The following CNTN4 variants were observed in gnomAD, a reference collection of about 807,000 sequenced individuals.
CNTN4 encodes the protein contactin 4.
CNTN4 carries 77 observed loss-of-function variants against 122.5 expected under a neutral mutation model. The observed-to-expected ratio is 0.63, with a 90% confidence interval of 0.52 to 0.76. CNTN4 has a LOEUF of 0.76. CNTN4 is among the 30% of genes least tolerant of loss of function. CNTN4 has a pLI of 0.00. For synonymous variants in CNTN4, 512 were observed against 447.0 expected, an observed-to-expected ratio of 1.15 and a Z score of -1.83; for missense variants, 1,256 against 1,259.1, an observed-to-expected ratio of 1.00 and a Z score of 0.04.
chr3:2,215,232 T>A (rs1156280564), intron 2 of CNTN4, among the ~76,000 whole-genome samples: 3 of 152,232 alleles, frequency 2.0e-5, no homozygotes, highest in African/African-American at 7.2e-5. Context: ...TAACATATAT[T>A]TAAATGACAT....
At chr3:3,013,777 T>A (rs965871410) in intron 14 of CNTN4, among the ~76,000 whole-genome samples, 1 of 152,198 alleles carries the variant, frequency 6.6e-6, no homozygotes, top group African/African-American at 2.4e-5. Context: ...ATGATTTTTC[T>A]TATGTATCTC....
intron 4 of CNTN4, among the ~76,000 whole-genome samples, chr3:2,607,142 T>C (rs957285721): frequency 1.3e-5 from 2 of 152,216 alleles, no homozygotes; most frequent in African/African-American, 2.4e-5. Flanking sequence ...TTTTGGCATC[T>C]GGTTCAAACT....
intron 2 of CNTN4, among the ~76,000 whole-genome samples, chr3:2,253,303 T>C (rs1430636978): frequency 6.6e-6 from 1 of 152,196 alleles, no homozygotes; most frequent in East Asian, 1.9e-4. Flanking sequence ...AAACAGTGAC[T>C]TTATGTCACA....
intron 6 of CNTN4, among the ~76,000 whole-genome samples, chr3:2,802,407 C>T (rs1228081705): frequency 6.6e-6 from 1 of 152,178 alleles, no homozygotes; most frequent in Non-Finnish European, 1.5e-5. Context: ...GTTTTGCCTT[C>T]TTTGCTTTTT....
chr3:2,178,859 G>A (rs1575013079), intron 2 of CNTN4, among the ~76,000 whole-genome samples: 1 of 151,942 alleles, frequency 6.6e-6, no homozygotes, highest in East Asian at 1.9e-4. Flanking sequence ...ATCTCTGATT[G>A]GTAGACTAAC....
intron 3 of CNTN4, among the ~76,000 whole-genome samples, chr3:2,566,916 C>G (rs541299901): frequency 6.6e-6 from 1 of 152,280 alleles, no homozygotes; most frequent in South Asian, 2.1e-4. Flanking sequence ...ATGTAGTCAA[C>G]TTGCTAACCA....
At chr3:2,946,997 C>T (rs1481020932) in intron 13 of CNTN4, among the ~76,000 whole-genome samples, 2 of 152,102 alleles carry the variant, frequency 1.3e-5, no homozygotes, top group African/African-American at 4.8e-5. Flanking sequence ...TGAGCCACTG[C>T]CCCTGGCCAG....
chr3:2,636,074 C>T (rs1207880805), intron 4 of CNTN4, among the ~76,000 whole-genome samples: 5 of 152,170 alleles, frequency 3.3e-5, no homozygotes, highest in Non-Finnish European at 7.3e-5. Flanking sequence ...ACTGATCTCC[C>T]ATCTCCTTGG....
intron 3 of CNTN4, among the ~76,000 whole-genome samples, chr3:2,359,230 A>T (rs567433297): frequency 9.5e-4 from 144 of 152,296 alleles, no homozygotes; most frequent in African/African-American, 3.4e-3. Context: ...AGTCTACAGT[A>T]GAGTCAACTT....
At chr3:2,179,752 A>G (rs138018467) in intron 2 of CNTN4, among the ~76,000 whole-genome samples, 136 of 152,106 alleles carry the variant, frequency 8.9e-4, no homozygotes, top group African/African-American at 3.1e-3. Context: ...TCAGACATTC[A>G]TTAAAGAGCA....
chr3:2,228,952 A>G (rs908647820), intron 2 of CNTN4, among the ~76,000 whole-genome samples: 12 of 152,142 alleles, frequency 7.9e-5, no homozygotes, highest in African/African-American at 2.9e-4. Context: ...AGATGTCAGA[A>G]CCACTTTTCT....
intron 4 of CNTN4, among the ~76,000 whole-genome samples, chr3:2,664,239 A>G (rs2084040192): frequency 6.6e-6 from 1 of 152,196 alleles, no homozygotes; most frequent in Non-Finnish European, 1.5e-5. Context: ...GTTTGGGGTA[A>G]TAGAAATACA....
chr3:2,724,185 C>T (rs2088052190), intron 4 of CNTN4, among the ~76,000 whole-genome samples: 1 of 152,140 alleles, frequency 6.6e-6, no homozygotes, highest in South Asian at 2.1e-4. Context: ...ATGATTATGG[C>T]TTTGTTTATC....
chr3:2,883,337 AGGTGAC>A, intron 9 of CNTN4, 90 bp downstream of exon 9: 1 of 948,704 alleles, frequency 1.1e-6, no homozygotes. Flanking sequence ...ATGGTTTCTG[AGGTGAC>A]GGAAAAGCAA....
At chr3:2,497,696 A>T (rs1248921399) in intron 3 of CNTN4, among the ~76,000 whole-genome samples, 1 of 152,134 alleles carries the variant, frequency 6.6e-6, no homozygotes, top group Admixed American at 6.5e-5. Flanking sequence ...GTTCTTGCCT[A>T]CCCGATTGAA....
intron 3 of CNTN4, among the ~76,000 whole-genome samples, chr3:2,553,564 G>T (rs2149377050): frequency 6.6e-6 from 1 of 152,206 alleles, no homozygotes; most frequent in Non-Finnish European, 1.5e-5. Flanking sequence ...TGTCCTAAGG[G>T]ATCAAATGTC....
intron 2 of CNTN4, among the ~76,000 whole-genome samples, chr3:2,290,526 A>C (rs1397752141): frequency 1.3e-5 from 2 of 152,216 alleles, no homozygotes; most frequent in Non-Finnish European, 2.9e-5. Context: ...AAAAGAGAGA[A>C]AGACGATACG....
chr3:2,485,387 G>C lies in CNTN4; in HGVS notation c.-88-86029G>C, dbSNP rs890357437. Among the ~76,000 whole-genome samples, 81 of 152,372 alleles carry C rather than the reference G, an allele frequency of 5.3e-4. 1 individual carries two copies. Among genetic ancestry groups the C allele is most frequent in the Non-Finnish European group, 7.2e-4 (49 of 68,042 alleles). ...GCCAGCTGGGCTCCTGAGTCTAGTGGGGACTTGGAGAACCTTTATGTCTAG... is the reference window on the plus strand; with the variant it reads ...GCCAGCTGGGCTCCTGAGTCTAGTGCGGACTTGGAGAACCTTTATGTCTAG... On this transcript the variant is annotated intron_variant, in intron 3 of 24. Coordinates refer to ENST00000418658, the MANE Select transcript of CNTN4 (RefSeq NM_175607.3).
intron 14 of CNTN4, among the ~76,000 whole-genome samples, chr3:3,019,439 G>C (rs1320690373): frequency 6.6e-6 from 1 of 152,042 alleles, no homozygotes; most frequent in Non-Finnish European, 1.5e-5. Flanking sequence ...TGGGACTACA[G>C]GTGTACCACA....
Sources: gnomAD v4.1 joint callset for allele counts (sites outside exome capture counted in the v4.1 genomes callset) on GRCh38, gnomAD v4.1.1 for gene constraint, MANE v1.5 for transcripts, NCBI Gene and HGNC (gene_info 2026-07-23, HGNC 2026-07-21) for gene names.